Variants in CYREN observed in about 807,000 individuals in gnomAD.
CYREN encodes cell cycle regulator of non-homologous end joining.
CYREN carries 7 observed loss-of-function variants against 9.7 expected under a neutral mutation model. The ratio of observed to expected loss-of-function variants is 0.72; its 90% CI spans 0.41 to 1.36. The LOEUF is 1.36. Ranked by LOEUF, CYREN falls within the 40% of genes most tolerant of loss-of-function variation. The probability of loss-of-function intolerance (pLI) is 0.01; values close to 1 mark genes in which losing one functional copy is unlikely to be tolerated. For missense variants in CYREN, 215 were observed against 198.1 expected (o/e 1.09, Z -0.51); for synonymous variants, 76 against 77.9 (o/e 0.98, Z 0.13).
At chr7:135,149,605 C>T (rs1829622209) in intron 2 of CYREN, among the ~76,000 whole-genome samples, 1 of 152,124 alleles carries the variant, frequency 6.6e-6, no homozygotes, top group African/African-American at 2.4e-5. Context: ...GCCAATCTGC[C>T]TCCCTGAAAG....
intron 2 of CYREN, chr7:135,115,704 T>C (rs1159374860): frequency 1.4e-5 from 15 of 1,079,508 alleles, no homozygotes; most frequent in Non-Finnish European, 1.9e-5. Context: ...GAAAAAAAAA[T>C]CTGCTCTTGA....
intron 2 of CYREN, among the ~76,000 whole-genome samples, chr7:135,143,582 C>A (rs1829491307): frequency 6.6e-6 from 1 of 152,072 alleles, no homozygotes; most frequent in Non-Finnish European, 1.5e-5. Flanking sequence ...CATGAGATAT[C>A]TCTGTACCTT....
chr7:135,162,863 T>C (rs1324977719), downstream of CYREN, among the ~76,000 whole-genome samples: 1 of 152,244 alleles, frequency 6.6e-6, no homozygotes, highest in Non-Finnish European at 1.5e-5. Context: ...CCCTTCTGAT[T>C]TAAAACGGAG....
At chr7:135,149,389 G>A (rs573391614) in intron 2 of CYREN, among the ~76,000 whole-genome samples, 2 of 152,188 alleles carry the variant, frequency 1.3e-5, no homozygotes, top group East Asian at 3.9e-4. Flanking sequence ...TTTTCTAAAA[G>A]ATGCATAGTA....
intron 2 of CYREN, among the ~76,000 whole-genome samples, chr7:135,096,592 G>C (rs372040504): frequency 2.8e-5 from 4 of 143,370 alleles, no homozygotes; most frequent in African/African-American, 7.9e-5. Flanking sequence ...TACATAGATA[G>C]ATAGATAGAT....
chr7:135,116,636 G>T (rs183807246), intron 2 of CYREN, among the ~76,000 whole-genome samples: 3 of 152,264 alleles, frequency 2.0e-5, no homozygotes, highest in Admixed American at 6.5e-5. Context: ...CAGTGGGAGG[G>T]TCAAAGTTCT....
At chr7:135,116,475 A>G (rs954293081) in intron 2 of CYREN, among the ~76,000 whole-genome samples, 5 of 152,216 alleles carry the variant, frequency 3.3e-5, no homozygotes, top group Admixed American at 6.5e-5. Flanking sequence ...GTGCAGTAGT[A>G]AAAACCCTGA....
chr7:135,147,792 C>G (rs771531130), intron 2 of CYREN: 33 of 456,174 alleles, frequency 7.2e-5, no homozygotes, highest in South Asian at 4.8e-4. Flanking sequence ...AATAAAATTC[C>G]GGGTTGTGTT....
intron 2 of CYREN, among the ~76,000 whole-genome samples, chr7:135,126,186 T>C (rs1313942859): frequency 2.0e-5 from 3 of 152,204 alleles, no homozygotes; most frequent in Non-Finnish European, 4.4e-5. Context: ...ATAAGCAACT[T>C]CAGCAAAGTC....
intron 2 of CYREN, among the ~76,000 whole-genome samples, chr7:135,138,696 A>C (rs1014106943): frequency 1.3e-5 from 2 of 152,128 alleles, no homozygotes; most frequent in East Asian, 3.9e-4. Flanking sequence ...TCATTCATGT[A>C]ATAAGCATAA....
intron 2 of CYREN, among the ~76,000 whole-genome samples, chr7:135,116,855 T>C (rs1299700437): frequency 6.6e-6 from 1 of 152,204 alleles, no homozygotes; most frequent in East Asian, 1.9e-4. Context: ...GGTCCTTTTC[T>C]ACACAGTACA....
chr7:135,132,230 T>A (rs1389751011), intron 2 of CYREN, among the ~76,000 whole-genome samples: 2 of 152,236 alleles, frequency 1.3e-5, no homozygotes, highest in Non-Finnish European at 2.9e-5. Flanking sequence ...CAGAATAAGA[T>A]TTTGCATAAA....
downstream of CYREN, among the ~76,000 whole-genome samples, chr7:135,163,025 A>G (rs1193371604): frequency 6.6e-6 from 1 of 152,250 alleles, no homozygotes; most frequent in Non-Finnish European, 1.5e-5. Context: ...GATTGCACTT[A>G]TAGGTAGATC....
intron 2 of CYREN, chr7:135,100,201 A>T (rs989619562): frequency 6.6e-6 from 1 of 152,056 alleles, no homozygotes; most frequent in Non-Finnish European, 1.5e-5. Flanking sequence ...TTTAAAAAAA[A>T]AAAAAACACT....
chr7:135,170,692 T>C lies in CYREN; in HGVS notation c.-179A>G, dbSNP rs1830604404. The C allele has an allele frequency of 6.6e-6, 1 of 152,234 alleles. No homozygotes were observed. Among genetic ancestry groups the C allele is most frequent in the Non-Finnish European group, 1.5e-5 (1 of 68,174 alleles). 9.4% of individuals were successfully genotyped at this position (152,234 alleles called of 1,614,324 possible). On this transcript the variant is annotated 5_prime_UTR_variant, in exon 1 of 4. Coordinates refer to ENST00000393114, the MANE Select transcript of CYREN (RefSeq NM_024033.4). The stretch of plus-strand genomic sequence containing the variant: ...CTGCCGTCTCGCCTGGCGCCCAAAC[T>C]CTGCGGACCTCCACTGGCCGCCCGC...
chr7:135,154,080 G>T lies in CYREN; in HGVS notation n.356+14669C>A, dbSNP rs559263934. Among the ~76,000 whole-genome samples, 6 of 152,188 alleles carry T rather than the reference G, an allele frequency of 3.9e-5. No individual in the cohort carries two copies. In the East Asian group the frequency reaches 5.8e-4, roughly 15 times the overall value. Reference sequence around the variant, plus strand: ...TCTTGGGGGATTTTGTGTTTCCAGGGATGTATCTATTTCCTCTAGTTTTTC... The same window carrying T: ...TCTTGGGGGATTTTGTGTTTCCAGGTATGTATCTATTTCCTCTAGTTTTTC... On this transcript the variant is annotated intron_variant and non_coding_transcript_variant, in intron 2 of 2. Transcript: ENST00000459937.
downstream of CYREN, chr7:135,164,666 G>A (rs1267771971): frequency 1.2e-6 from 2 of 1,613,598 alleles, no homozygotes; most frequent in Non-Finnish European, 1.7e-6. Flanking sequence ...CCCTGGGGGT[G>A]CCTCGGGTTG....
At chr7:135,118,695 G>A (rs1347435856) in intron 2 of CYREN, among the ~76,000 whole-genome samples, 2 of 152,144 alleles carry the variant, frequency 1.3e-5, no homozygotes, top group Non-Finnish European at 2.9e-5. Context: ...ACACTGAGAT[G>A]TTAATGATGT....
intron 2 of CYREN, chr7:135,135,505 C>T: frequency 3.7e-6 from 1 of 273,060 alleles, no homozygotes; most frequent in Non-Finnish European, 6.7e-6. Flanking sequence ...TAGTTTTTAT[C>T]AGCATGGAAA....
Sources: gnomAD v4.1 joint callset for allele counts (sites outside exome capture counted in the v4.1 genomes callset) on GRCh38, gnomAD v4.1.1 for gene constraint, MANE v1.5 for transcripts, NCBI Gene and HGNC (gene_info 2026-07-23, HGNC 2026-07-21) for gene names.